The following CDH23 variants were observed in gnomAD, a reference collection of about 807,000 sequenced individuals.
The protein encoded by CDH23 is cadherin-23.
CDH23 carries 189 observed loss-of-function variants against 317.1 expected under a neutral mutation model. The observed-to-expected ratio is 0.60, with a 90% CI of 0.53 to 0.67. CDH23 has a LOEUF of 0.67. Among genes scored for constraint, CDH23 ranks in the 30% least tolerant of loss-of-function variants. The pLI, the probability that CDH23 is intolerant of heterozygous loss-of-function variation, is 0.00. For synonymous variants in CDH23, 1,839 were observed against 1,876.8 expected (o/e 0.98, Z 0.52); for missense variants, 4,401 against 4,592.4 (o/e 0.96, Z 1.20).
At chr10:71,665,932 A>G (rs1302376070) in intron 14 of CDH23, among the ~76,000 whole-genome samples, 1 of 152,176 alleles carries the variant, frequency 6.6e-6, no homozygotes, top group East Asian at 1.9e-4. Context: ...CACAAGTTCC[A>G]CCTGCAACTG....
At chr10:71,558,180 G>A (rs1343800014) in intron 6 of CDH23, among the ~76,000 whole-genome samples, 1 of 151,950 alleles carries the variant, frequency 6.6e-6, no homozygotes, top group Non-Finnish European at 1.5e-5. Flanking sequence ...TGTATTTTTA[G>A]TAGAGACAGG....
At chr10:71,425,029 C>T (rs955979548) in intron 1 of CDH23, among the ~76,000 whole-genome samples, 1 of 152,086 alleles carries the variant, frequency 6.6e-6, no homozygotes, top group Admixed American at 6.6e-5. Flanking sequence ...GATCTGCCAC[C>T]TTGCCCAGGG....
chr10:71,482,037 A>G (rs1373540779), intron 3 of CDH23, among the ~76,000 whole-genome samples: 1 of 152,042 alleles, frequency 6.6e-6, no homozygotes, highest in Non-Finnish European at 1.5e-5. Context: ...GAGCATCAGG[A>G]GCCTGACTGA....
intron 3 of CDH23, among the ~76,000 whole-genome samples, chr10:71,501,192 A>G (rs1418734581): frequency 1.3e-5 from 2 of 152,186 alleles, no homozygotes; most frequent in Non-Finnish European, 2.9e-5. Context: ...TCCTACCTGT[A>G]TAACAGGGAT....
intron 9 of CDH23, among the ~76,000 whole-genome samples, chr10:71,583,239 G>A (rs1259821703): frequency 1.3e-5 from 2 of 152,028 alleles, no homozygotes; most frequent in South Asian, 2.1e-4. Context: ...AGTGCACAGG[G>A]GAGGCGGGGT....
chr10:71,497,002 G>A (rs947720067), intron 3 of CDH23, among the ~76,000 whole-genome samples: 2 of 152,172 alleles, frequency 1.3e-5, no homozygotes, highest in African/African-American at 2.4e-5. Context: ...GTTCCCCCAC[G>A]GTCACATTCA....
At chr10:71,682,614 G>A (rs1864702120) in intron 18 of CDH23, 42 bp downstream of exon 18, 1 of 1,605,898 alleles carries the variant, frequency 6.2e-7, no homozygotes, top group East Asian at 2.2e-5. Context: ...CTAGTGTAAG[G>A]GATGGTGAGT....
intron 6 of CDH23, among the ~76,000 whole-genome samples, chr10:71,517,954 A>G (rs576353794): frequency 1.3e-5 from 2 of 152,284 alleles, no homozygotes; most frequent in Non-Finnish European, 2.9e-5. Flanking sequence ...CGGCAGGCAG[A>G]TGCCATCGCC....
chr10:71,757,131 T>C (rs1840170375), intron 38 of CDH23, among the ~76,000 whole-genome samples: 1 of 152,248 alleles, frequency 6.6e-6, no homozygotes, highest in Non-Finnish European at 1.5e-5. Flanking sequence ...AGGACCTTAT[T>C]GTGGGCAATA....
intron 9 of CDH23, among the ~76,000 whole-genome samples, chr10:71,608,633 C>T (rs896246486): frequency 1.3e-5 from 2 of 152,364 alleles, no homozygotes; most frequent in Non-Finnish European, 2.9e-5. Context: ...GTTCTGGGGA[C>T]TGCCAGAGAT....
chr10:71,668,943 AG>A (rs1170389167), intron 14 of CDH23, among the ~76,000 whole-genome samples: 1 of 152,258 alleles, frequency 6.6e-6, no homozygotes, highest in Admixed American at 6.5e-5. Flanking sequence ...GCGATTATAA[AG>A]GCCCAAATGA....
intron 1 of CDH23, among the ~76,000 whole-genome samples, chr10:71,410,916 A>G (rs1043024579): frequency 1.3e-5 from 2 of 152,176 alleles, no homozygotes; most frequent in African/African-American, 4.8e-5. Flanking sequence ...CTTGGCTATT[A>G]CAAAAGAGGC....
intron 29 of CDH23, among the ~76,000 whole-genome samples, chr10:71,724,969 A>G (rs1158778585): frequency 1.3e-5 from 2 of 152,174 alleles, no homozygotes; most frequent in African/African-American, 4.8e-5. Flanking sequence ...TCAACCACCC[A>G]TGGAGAATTT....
chr10:71,476,109 G>A (rs1851781178), intron 3 of CDH23, among the ~76,000 whole-genome samples: 1 of 151,158 alleles, frequency 6.6e-6, no homozygotes. Context: ...GAGACACAGA[G>A]CACGCAGGTG....
chr10:71,422,910 G>C (rs999601404), intron 1 of CDH23, among the ~76,000 whole-genome samples: 2 of 152,208 alleles, frequency 1.3e-5, no homozygotes, highest in Admixed American at 6.5e-5. Flanking sequence ...CACTGGGGGA[G>C]GGCAGAGCAG....
intron 3 of CDH23, among the ~76,000 whole-genome samples, chr10:71,489,574 T>G (rs1852532961): frequency 6.6e-6 from 1 of 151,118 alleles, no homozygotes; most frequent in African/African-American, 2.4e-5. Flanking sequence ...TTCTTTAGGT[T>G]TTCATTCACA....
chr10:71,431,629 G>C (rs1221571202), intron 1 of CDH23, among the ~76,000 whole-genome samples: 4 of 152,262 alleles, frequency 2.6e-5, no homozygotes, highest in Non-Finnish European at 4.4e-5. Flanking sequence ...GAGTGCATCT[G>C]ATTTTATGGG....
intron 6 of CDH23, among the ~76,000 whole-genome samples, chr10:71,561,260 C>T (rs1021936731): frequency 1.8e-4 from 27 of 151,984 alleles, no homozygotes; most frequent in African/African-American, 6.5e-4. Context: ...TCACTGTTCT[C>T]ACCGCATTTT....
intron 1 of CDH23, among the ~76,000 whole-genome samples, chr10:71,435,043 G>A (rs1311891997): frequency 2.6e-5 from 4 of 152,172 alleles, no homozygotes; most frequent in African/African-American, 7.2e-5. Context: ...CCTATCAGGC[G>A]CCTCTGCAGG....
Sources: allele counts gnomAD v4.1 joint callset (sites outside exome capture counted in the v4.1 genomes callset), GRCh38; gene constraint gnomAD v4.1.1; transcripts MANE v1.5; gene names NCBI Gene and HGNC (gene_info 2026-07-23, HGNC 2026-07-21).